NEMF: variants seen among roughly 807,000 people sequenced by gnomAD.
NEMF encodes nuclear export mediator factor, also known as ribosome quality control complex subunit NEMF.
In NEMF, 89 loss-of-function variants were observed where a neutral mutation model predicts 162.2. The observed-to-expected ratio is 0.55, with a 90% CI of 0.46 to 0.65. NEMF has a LOEUF of 0.65. Among genes scored for constraint, NEMF ranks in the 30% least tolerant of loss-of-function variants. NEMF has a pLI of 0.00. For missense variants in NEMF, 1,133 were observed against 1,261.9 expected, an observed-to-expected ratio of 0.90 and a Z score of 1.55; for synonymous variants, 421 against 404.5, an observed-to-expected ratio of 1.04 and a Z score of -0.49.
chr14:49,814,242 G>C (rs1448882687), intron 17 of NEMF, among the ~76,000 whole-genome samples, 192 bp from the exon 18 acceptor site: 1 of 152,008 alleles, frequency 6.6e-6, no homozygotes, highest in Non-Finnish European at 1.5e-5. Context: ...TGGGATTACA[G>C]GCGTGCACCA....
chr14:49,838,585 GTTTT>G (rs200414717), intron 5 of NEMF, among the ~76,000 whole-genome samples: 1 of 129,834 alleles, frequency 7.7e-6, no homozygotes, highest in Non-Finnish European at 1.7e-5. Context: ...TTTTTGTTTG[GTTTT>G]TTTTTTTTTT....
chr14:49,843,956 G>A (rs1255809893), intron 4 of NEMF, among the ~76,000 whole-genome samples: 1 of 151,944 alleles, frequency 6.6e-6, no homozygotes, highest in African/African-American at 2.4e-5. Context: ...AAAATTAGCT[G>A]GGCATGGTAG....
rs779475630 is a variant in NEMF, at chr14:49,789,218, T to C, written c.2823A>G (p.Lys941=). Residue 941 remains lysine, a synonymous_variant, in exon 28 of 33, where the codon AAA becomes AAG. Coordinates refer to ENST00000298310, the MANE Select transcript of NEMF (RefSeq NM_004713.6). ...GGQRVSDNIK[K]ETPFLEVITH... ...TTATAACCTCAAGGAACGGAGTTTCTTTCTTAATGTTGTCAGAGACCCTCT... is the reference window on the plus strand; with the variant it reads ...TTATAACCTCAAGGAACGGAGTTTCCTTCTTAATGTTGTCAGAGACCCTCT... 7.4e-6 allele frequency: 12 copies of C among 1,614,056 alleles called. No individual in the cohort carries two copies. The African/African-American group carries it at 1.5e-4, about 20-fold the overall frequency.
In NEMF at chr14:49,782,277, T is replaced by C; in HGVS notation, c.*2359A>G. The C allele has an allele frequency of 1.3e-6, 1 of 766,116 alleles. No homozygotes were observed. The highest frequency in any genetic ancestry group is 2.2e-6 in the Non-Finnish European group (1 of 462,590). The allele number at this position is 766,116 out of a possible 1,614,324, so 47.5% of individuals were successfully genotyped here. ...TGTTTTGGTCTGAACTACCTTAAGA[T>C]CGCTAGTCTTTATTTCATAGCTCTA... is the stretch of plus-strand genomic sequence containing the variant. On this transcript the variant is annotated 3_prime_UTR_variant, in exon 33 of 33. Transcript: ENST00000298310.
chr14:49,831,274 AAT>A (rs1892621411), intron 11 of NEMF, 23 bp downstream of exon 11: 1 of 1,315,728 alleles, frequency 7.6e-7, no homozygotes, highest in Non-Finnish European at 1.1e-6. Flanking sequence ...TAGCTGGTTT[AAT>A]ATGTGTTTTT....
chr14:49,847,386 T>G (rs1020478561), intron 3 of NEMF, among the ~76,000 whole-genome samples: 10 of 152,002 alleles, frequency 6.6e-5, no homozygotes, highest in Admixed American at 6.6e-4. Context: ...TGTATTTTAG[T>G]AGAGACGGGG....
rs921522230 is a variant in NEMF at position 49,848,641 on chromosome 14, C to T, written c.232-2376G>A. On this transcript the variant is annotated intron_variant, in intron 3 of 32. Coordinates refer to ENST00000298310, the MANE Select transcript of NEMF (RefSeq NM_004713.6). The stretch of plus-strand genomic sequence containing the variant: ...CACAACGTCAGGAGTTCAAGACCAG[C>T]CTGGCCAACATGGTGAAACCCCATC... Among the ~76,000 whole-genome samples, 5 of 151,968 alleles carry T rather than the reference C, an allele frequency of 3.3e-5. No individual in the cohort carries two copies. The East Asian group carries it at 9.6e-4, about 29-fold the overall frequency.
In NEMF at chr14:49,783,672, G is replaced by A. The variant is rs1036983136; in HGVS notation, c.*964C>T. The A allele has an allele frequency of 6.6e-6, 1 of 151,742 alleles. No individual in the cohort carries two copies. The highest frequency in any genetic ancestry group is 1.5e-5 in the Non-Finnish European group (1 of 67,854). The allele number at this position is 151,742 out of a possible 1,614,324, so 9.4% of individuals were successfully genotyped here. A position where few individuals can be genotyped will look rare whatever the true frequency, so the allele number is the denominator to read the frequency against. Reference sequence around the variant, plus strand: ...CCTAAAATGCGCTTCTGGTATTATAGGTTAAGATACTCTAACGTGCTATAT... The same window carrying A: ...CCTAAAATGCGCTTCTGGTATTATAAGTTAAGATACTCTAACGTGCTATAT... On this transcript the variant is annotated 3_prime_UTR_variant, in exon 33 of 33. Coordinates refer to ENST00000298310, the MANE Select transcript of NEMF (RefSeq NM_004713.6).
At chr14:49,851,210 G>A (rs766109900) in intron 3 of NEMF, among the ~76,000 whole-genome samples, 3 of 151,822 alleles carry the variant, frequency 2.0e-5, no homozygotes, top group Admixed American at 6.6e-5. Flanking sequence ...TCTCAAAAAC[G>A]AACAAAAAAA....
chr14:49,803,222 CT>C lies in NEMF; in HGVS notation c.1915+14del. 1 of 1,582,878 alleles carries C rather than the reference CT, an allele frequency of 6.3e-7. No individual in the cohort carries two copies. The highest frequency in any genetic ancestry group is 8.7e-7 in the Non-Finnish European group (1 of 1,152,490). On this transcript the variant is annotated intron_variant, in intron 20 of 32. Coordinates refer to ENST00000298310, the MANE Select transcript of NEMF (RefSeq NM_004713.6). ...ATTGACAAGTCTAGTGATATTTTTCCTGTCAAGACATTACCTCTTATCATGA... is the reference window on the plus strand; with the variant it reads ...ATTGACAAGTCTAGTGATATTTTTCCGTCAAGACATTACCTCTTATCATGA...
At chr14:49,804,068 G>T (rs1891077642) in intron 19 of NEMF, among the ~76,000 whole-genome samples, 1 of 146,244 alleles carries the variant, frequency 6.8e-6, no homozygotes, top group African/African-American at 2.5e-5. Flanking sequence ...GCAGTGGCTT[G>T]ATCTTGGCTC....
chr14:49,809,815 T>C (rs546301682), intron 18 of NEMF, among the ~76,000 whole-genome samples: 6 of 151,466 alleles, frequency 4.0e-5, no homozygotes, highest in Non-Finnish European at 5.9e-5. Flanking sequence ...AAGCTGAGAT[T>C]ACGCAACTGC....
At chr14:49,817,160 A>C (rs1891754549) in intron 16 of NEMF, among the ~76,000 whole-genome samples, 1 of 150,504 alleles carries the variant, frequency 6.6e-6, no homozygotes, top group Admixed American at 6.6e-5. Flanking sequence ...GAAAAAAGAC[A>C]GGCCAGGCGC....
rs1396170380 is a variant in NEMF, at chr14:49,789,080, G to C, written c.2895+66C>G. ...TTGGTTTTAGCACTGAAAGTCCCAT[G>C]TCCTGGGAACTCCAGGATGGGTAAT... On this transcript the variant is annotated intron_variant, in intron 28 of 32. Coordinates refer to ENST00000298310, the MANE Select transcript of NEMF (RefSeq NM_004713.6). The C allele has an allele frequency of 3.9e-6, 5 of 1,276,244 alleles. No homozygotes were observed. The African/African-American group carries it at 7.4e-5, about 19-fold the overall frequency. The allele number at this position is 1,276,244 out of a possible 1,614,324, so 79.1% of individuals were successfully genotyped here.
intron 13 of NEMF, 101 bp downstream of exon 13, chr14:49,828,953 T>C: frequency 7.3e-7 from 1 of 1,365,962 alleles, no homozygotes; most frequent in Non-Finnish European, 1.0e-6. Context: ...TCCCTTTCTT[T>C]GAGAATTTCA....
chr14:49,784,329 T>C lies in NEMF; in HGVS notation c.*307A>G, dbSNP rs1201998540. ...AATCAAGCCACTTCACTGTTCAGTT[T>C]CTTTACATCATGAAATGAATACTTG... is the stretch of plus-strand genomic sequence containing the variant. On this transcript the variant is annotated 3_prime_UTR_variant, in exon 33 of 33. Transcript: ENST00000298310. 1 of 228,144 alleles carries C rather than the reference T, an allele frequency of 4.4e-6. No individual in the cohort carries two copies. The highest frequency in any genetic ancestry group is 2.3e-5 in the African/African-American group (1 of 43,466). 14.1% of individuals were successfully genotyped at this position (228,144 alleles called of 1,614,324 possible). A position where few individuals can be genotyped will look rare whatever the true frequency, so the allele number is the denominator to read the frequency against.
At chr14:49,806,257 T>TATATATATATATATATATATATC (rs1491450902) in intron 18 of NEMF, 124 bp from the exon 19 acceptor site, 1 of 17,450 alleles carries the variant, frequency 5.7e-5, no homozygotes, top group Non-Finnish European at 9.8e-5. Flanking sequence ...TATATATATA[T>TATATATATATATATATATATATC]TTTTTTTTTT....
At chr14:49,828,236 C>G (rs1416652895) in intron 15 of NEMF, 55 bp downstream of exon 15, 3 of 1,124,812 alleles carry the variant, frequency 2.7e-6, no homozygotes, top group African/African-American at 3.1e-5. Context: ...TAATTATGTC[C>G]ATTAAATTAC....
chr14:49,800,874 T>C (rs2139857850), intron 22 of NEMF, 178 bp from the exon 23 acceptor site: 1 of 577,526 alleles, frequency 1.7e-6, no homozygotes, highest in East Asian at 2.9e-5. Flanking sequence ...GTATCATGAA[T>C]AGGTTGAACT....
Sources: allele counts gnomAD v4.1 joint callset (sites outside exome capture counted in the v4.1 genomes callset), GRCh38; gene constraint gnomAD v4.1.1; transcripts MANE v1.5; gene names NCBI Gene and HGNC (gene_info 2026-07-23, HGNC 2026-07-21).